The following EPHA5 variants were observed in gnomAD, a reference collection of about 807,000 sequenced individuals.
EPHA5 encodes the protein EPH receptor A5, also known as ephrin type-A receptor 5.
EPHA5 carries 60 observed loss-of-function variants against 105.0 expected under a neutral mutation model. That is an observed-to-expected ratio of 0.57 (90% CI 0.46 to 0.71). The LOEUF (loss-of-function observed/expected upper bound fraction) is 0.71. EPHA5 is among the 30% of genes least tolerant of loss of function. The probability of loss-of-function intolerance (pLI) is 0.00; values close to 1 mark genes in which losing one functional copy is unlikely to be tolerated. For synonymous variants in EPHA5, 513 were observed against 449.1 expected (o/e 1.14, Z -1.80); for missense variants, 1,218 against 1,274.7 (o/e 0.96, Z 0.68).
At chr4:65,594,781 G>A (rs541918262) in intron 3 of EPHA5, among the ~76,000 whole-genome samples, 22 of 152,048 alleles carry the variant, frequency 1.4e-4, no homozygotes, top group African/African-American at 4.8e-4. Flanking sequence ...TACTTTCAAC[G>A]GGTGTAATAA....
chr4:65,354,031 T>C (rs1161901338), intron 11 of EPHA5, among the ~76,000 whole-genome samples: 2 of 151,754 alleles, frequency 1.3e-5, no homozygotes, highest in Non-Finnish European at 2.9e-5. Flanking sequence ...GAGCAATCAC[T>C]TATTATTATG....
At chr4:65,490,741 A>G (rs754694581) in intron 4 of EPHA5, 29 bp from the exon 5 acceptor site, 6 of 1,595,108 alleles carry the variant, frequency 3.8e-6, no homozygotes, top group Non-Finnish European at 3.4e-6. Flanking sequence ...TAAGAAAAAC[A>G]TATTTTAAGA....
At chr4:65,552,945 A>G (rs1738066942) in intron 3 of EPHA5, among the ~76,000 whole-genome samples, 1 of 152,110 alleles carries the variant, frequency 6.6e-6, no homozygotes, top group Non-Finnish European at 1.5e-5. Context: ...TTTATTATTT[A>G]GAAATGGACT....
At chr4:65,574,789 A>C (rs894406052) in intron 3 of EPHA5, among the ~76,000 whole-genome samples, 1 of 147,104 alleles carries the variant, frequency 6.8e-6, no homozygotes, top group Non-Finnish European at 1.5e-5. Flanking sequence ...ATTGAATACT[A>C]TGGCAGAATT....
At chr4:65,441,367 C>T (rs893415948) in intron 5 of EPHA5, among the ~76,000 whole-genome samples, 2 of 151,810 alleles carry the variant, frequency 1.3e-5, no homozygotes, top group African/African-American at 2.4e-5. Flanking sequence ...ACAGTATTTC[C>T]ATAATTTATT....
At chr4:65,403,854 A>C (rs1722094247) in intron 8 of EPHA5, among the ~76,000 whole-genome samples, 1 of 152,154 alleles carries the variant, frequency 6.6e-6, no homozygotes, top group Admixed American at 6.6e-5. Flanking sequence ...GAAATCACTT[A>C]GAAGCTGAAA....
In EPHA5 at chr4:65,611,227, GATATTTCAAT is replaced by G. The variant is rs576298328; in HGVS notation, c.247-8933_247-8924del. On this transcript the variant is annotated intron_variant, in intron 2 of 16. Coordinates refer to ENST00000613740, the MANE Select transcript of EPHA5 (RefSeq NM_001281766.3). ...AGACATTAGAGATGGTCCTTTTAGT[GATATTTCAAT>G]ATATTTCAGTATATATTTCAATATA... Among the ~76,000 whole-genome samples the G allele has an allele frequency of 3.4e-3, 512 of 152,004 alleles. 5 individuals carry two copies. Among genetic ancestry groups the G allele is most frequent in the African/African-American group, 0.012 (487 of 41,454 alleles).
At chr4:65,372,387 C>T (rs1718563022) in intron 8 of EPHA5, among the ~76,000 whole-genome samples, 1 of 151,726 alleles carries the variant, frequency 6.6e-6, no homozygotes, top group Non-Finnish European at 1.5e-5. Context: ...AGCCAGTATT[C>T]TTCAATAAGA....
At chr4:65,497,465 G>A (rs545530696) in intron 3 of EPHA5, among the ~76,000 whole-genome samples, 1 of 152,160 alleles carries the variant, frequency 6.6e-6, no homozygotes, top group East Asian at 1.9e-4. Flanking sequence ...GGACATTCTT[G>A]TAGTTAAATG....
rs1379349067 is a variant in EPHA5 at position 65,320,596 on chromosome 4, CTG to C, written c.*3516_*3517del. 4.4e-6 allele frequency: 1 copy of C among 229,724 alleles called. No homozygotes were observed. Among genetic ancestry groups the C allele is most frequent in the Non-Finnish European group, 8.6e-6 (1 of 115,864 alleles). The allele number at this position is 229,724 out of a possible 1,614,324, so 14.2% of individuals were successfully genotyped here. ...AAAAATGTCTTCAGAAGGTAAATAT[CTG>C]TGCTTGTGCTTCTGAGAACCCACTT... On this transcript the variant is annotated 3_prime_UTR_variant, in exon 17 of 17. Coordinates refer to ENST00000613740, the MANE Select transcript of EPHA5 (RefSeq NM_001281766.3).
At chr4:65,341,955 A>C (rs1721767839) in intron 14 of EPHA5, among the ~76,000 whole-genome samples, 1 of 152,122 alleles carries the variant, frequency 6.6e-6, no homozygotes. Flanking sequence ...TTATTCTAAG[A>C]TTCTAAGATA....
chr4:65,627,332 C>A (rs1746243342), intron 2 of EPHA5, among the ~76,000 whole-genome samples: 1 of 151,912 alleles, frequency 6.6e-6, no homozygotes, highest in Non-Finnish European at 1.5e-5. Flanking sequence ...ACCTGAATGC[C>A]CATTAATATA....
chr4:65,597,946 T>C (rs1461724881), intron 3 of EPHA5, among the ~76,000 whole-genome samples: 1 of 152,172 alleles, frequency 6.6e-6, no homozygotes, highest in Non-Finnish European at 1.5e-5. Context: ...AACTCCATCA[T>C]GCAAAGCACA....
intron 3 of EPHA5, among the ~76,000 whole-genome samples, chr4:65,585,120 T>TTGTGTGTGTGTG (rs76180882): frequency 1.3e-5 from 2 of 148,918 alleles, no homozygotes. Context: ...GCATGTGTGT[T>TTGTGTGTGTGTG]TGTGTGTGTG....
chr4:65,655,166 A>G (rs1748946134), intron 1 of EPHA5, among the ~76,000 whole-genome samples: 1 of 151,882 alleles, frequency 6.6e-6, no homozygotes, highest in Non-Finnish European at 1.5e-5. Context: ...TCTTTTATTA[A>G]CAATAGAAAC....
chr4:65,457,751 G>A (rs922883173), intron 5 of EPHA5, among the ~76,000 whole-genome samples: 20 of 152,030 alleles, frequency 1.3e-4, no homozygotes, highest in Non-Finnish European at 2.1e-4. Context: ...AAAATTATTC[G>A]GAGTGTAGAT....
intron 3 of EPHA5, among the ~76,000 whole-genome samples, chr4:65,533,651 A>G (rs1163712449): frequency 6.6e-6 from 1 of 152,060 alleles, no homozygotes. Context: ...AAGAGGGATG[A>G]GGGCCGGGCA....
At chr4:65,542,699 G>C (rs1736960389) in intron 3 of EPHA5, among the ~76,000 whole-genome samples, 1 of 151,586 alleles carries the variant, frequency 6.6e-6, no homozygotes, top group South Asian at 2.1e-4. Flanking sequence ...GAAAATAAGG[G>C]ACTCCTCCCT....
chr4:65,583,789 A>T (rs1480730576), intron 3 of EPHA5, among the ~76,000 whole-genome samples: 3 of 151,748 alleles, frequency 2.0e-5, no homozygotes, highest in African/African-American at 7.2e-5. Flanking sequence ...ACATAAAATC[A>T]TGAAAAAGAA....
Sources: gnomAD v4.1 joint callset for allele counts (sites outside exome capture counted in the v4.1 genomes callset) on GRCh38, gnomAD v4.1.1 for gene constraint, MANE v1.5 for transcripts, NCBI Gene and HGNC (gene_info 2026-07-23, HGNC 2026-07-21) for gene names.